Variants in TBCA observed in about 807,000 individuals in gnomAD.
TBCA encodes the protein tubulin folding cofactor A.
In TBCA, 6 loss-of-function variants were observed where a neutral mutation model predicts 15.8. The ratio of observed to expected loss-of-function variants is 0.38; its 90% confidence interval spans 0.21 to 0.75. TBCA has a LOEUF of 0.75. Ranked by LOEUF, TBCA falls within the 30% of genes least tolerant of loss-of-function variation. The probability of loss-of-function intolerance (pLI) is 0.46; values close to 1 mark genes in which losing one functional copy is unlikely to be tolerated. For missense variants in TBCA, 90 were observed against 131.2 expected (o/e 0.69, Z 1.53); for synonymous variants, 32 against 42.3 (o/e 0.76, Z 0.94).
intron 1 of TBCA, among the ~76,000 whole-genome samples, chr5:77,772,094 AAAG>A (rs970455761): frequency 2.0e-4 from 31 of 152,070 alleles, no homozygotes; most frequent in African/African-American, 7.2e-4. Context: ...AAAAAAAAAA[AAAG>A]AAAAGAATAG....
At chr5:77,722,503 T>G (rs1375089909) in intron 1 of TBCA, among the ~76,000 whole-genome samples, 1 of 152,016 alleles carries the variant, frequency 6.6e-6, no homozygotes, top group Non-Finnish European at 1.5e-5. Flanking sequence ...AAATAAACTT[T>G]TGGAAATTCC....
chr5:77,714,572 A>ATTTT (rs761180601), intron 1 of TBCA, among the ~76,000 whole-genome samples: 16,493 of 126,594 alleles, frequency 0.13, 1,101 homozygotes, highest in South Asian at 0.18. Context: ...TATTATTATT[A>ATTTT]TTATTTTTTT....
chr5:77,766,929 C>T (rs1747791942), intron 1 of TBCA, among the ~76,000 whole-genome samples: 1 of 152,174 alleles, frequency 6.6e-6, no homozygotes, highest in African/African-American at 2.4e-5. Flanking sequence ...TGTTGAAAAA[C>T]AATTCTGTGA....
rs553782383 is a variant in TBCA, at chr5:77,763,038, T to C, written c.53+13167A>G. 2.6e-5 allele frequency among the ~76,000 whole-genome samples: 4 copies of C among 152,222 alleles called. No homozygotes were observed. In the South Asian group the frequency reaches 8.3e-4, roughly 32 times the overall value. Reference sequence around the variant, plus strand: ...GCAGGCGGATCACGAGGTCAGGAGATAGAGACCATCCTGGATAACATGGTG... The same window carrying C: ...GCAGGCGGATCACGAGGTCAGGAGACAGAGACCATCCTGGATAACATGGTG... On this transcript the variant is annotated intron_variant, in intron 1 of 3. Coordinates refer to ENST00000380377, the MANE Select transcript of TBCA (RefSeq NM_004607.3).
At chr5:77,736,924 G>A (rs549554027) in intron 1 of TBCA, among the ~76,000 whole-genome samples, 2 of 152,292 alleles carry the variant, frequency 1.3e-5, no homozygotes, top group South Asian at 4.1e-4. Flanking sequence ...ATGGGTATTA[G>A]AGATTTAACA....
chr5:77,701,105 A>C (rs1746001905), intron 2 of TBCA, among the ~76,000 whole-genome samples: 1 of 152,228 alleles, frequency 6.6e-6, no homozygotes, highest in Non-Finnish European at 1.5e-5. Flanking sequence ...CAAAAGGAAC[A>C]GTCAGCAGAG....
chr5:77,769,373 TATCCCAGATAC>T (rs1747853433), intron 1 of TBCA, among the ~76,000 whole-genome samples: 1 of 152,236 alleles, frequency 6.6e-6, no homozygotes, highest in Non-Finnish European at 1.5e-5. Context: ...GTTCTTAACC[TATCCCAGATAC>T]AGTCCACCAT....
chr5:77,693,785 G>A (rs1300733323), intron 2 of TBCA, among the ~76,000 whole-genome samples: 1 of 98,210 alleles, frequency 1.0e-5, no homozygotes, highest in Admixed American at 1.5e-4. Context: ...GGCAACAAGA[G>A]TGAAACTCCA....
chr5:77,756,533 A>AGATT (rs1407498788), intron 1 of TBCA, among the ~76,000 whole-genome samples: 2 of 151,944 alleles, frequency 1.3e-5, no homozygotes, highest in Non-Finnish European at 2.9e-5. Context: ...AAGCCAATGG[A>AGATT]GATTAATTTT....
intron 1 of TBCA, among the ~76,000 whole-genome samples, chr5:77,741,448 G>A (rs1747029256): frequency 6.6e-6 from 1 of 152,156 alleles, no homozygotes; most frequent in Non-Finnish European, 1.5e-5. Flanking sequence ...GATAGTAGGG[G>A]TGCGATGCAA....
chr5:77,773,458 G>A (rs1018795072), intron 1 of TBCA, among the ~76,000 whole-genome samples: 1 of 152,118 alleles, frequency 6.6e-6, no homozygotes, highest in Non-Finnish European at 1.5e-5. Context: ...GTATTAAACA[G>A]CATAGCAGGC....
chr5:77,743,853 G>A (rs1027136086), intron 1 of TBCA, among the ~76,000 whole-genome samples: 6 of 152,032 alleles, frequency 3.9e-5, no homozygotes, highest in Non-Finnish European at 7.3e-5. Flanking sequence ...AGGTACCATC[G>A]TAGGCACTAG....
chr5:77,719,136 C>G (rs1561269761), intron 1 of TBCA, among the ~76,000 whole-genome samples: 1 of 152,114 alleles, frequency 6.6e-6, no homozygotes, highest in Non-Finnish European at 1.5e-5. Context: ...GCGTGGTAAG[C>G]AGGGCAACTA....
chr5:77,715,610 G>A (rs1675286368), intron 1 of TBCA, among the ~76,000 whole-genome samples: 1 of 152,122 alleles, frequency 6.6e-6, no homozygotes, highest in African/African-American at 2.4e-5. Flanking sequence ...AAATGGTTAT[G>A]GTTGTAATAT....
At chr5:77,758,648 C>T (rs534660412) in intron 1 of TBCA, among the ~76,000 whole-genome samples, 1 of 152,326 alleles carries the variant, frequency 6.6e-6, no homozygotes, top group Admixed American at 6.5e-5. Flanking sequence ...GTCCCTTTCC[C>T]CATGACTCTT....
intron 1 of TBCA, among the ~76,000 whole-genome samples, chr5:77,730,863 T>G (rs1170412977): frequency 6.6e-6 from 1 of 152,172 alleles, no homozygotes; most frequent in Non-Finnish European, 1.5e-5. Flanking sequence ...GTTATAGAAG[T>G]TTTTCTATGT....
At chr5:77,715,868 A>G (rs1467108129) in intron 1 of TBCA, among the ~76,000 whole-genome samples, 1 of 152,182 alleles carries the variant, frequency 6.6e-6, no homozygotes, top group Non-Finnish European at 1.5e-5. Context: ...CCCTGTTTGG[A>G]GCCTCTAGTA....
chr5:77,730,211 A>AT (rs1251274456), intron 1 of TBCA, among the ~76,000 whole-genome samples: 4 of 152,196 alleles, frequency 2.6e-5, no homozygotes, highest in Non-Finnish European at 5.9e-5. Flanking sequence ...AGATATAGTT[A>AT]TGATGGGGTC....
chr5:77,706,824 AAAAAGAAAGAAAG>A (rs1746161540), intron 2 of TBCA, among the ~76,000 whole-genome samples: 1 of 151,228 alleles, frequency 6.6e-6, no homozygotes, highest in African/African-American at 2.4e-5. Flanking sequence ...AAAAAAAAAA[AAAAAGAAAGAAAG>A]AAAAGAAAAA....
Sources: allele counts gnomAD v4.1 joint callset (sites outside exome capture counted in the v4.1 genomes callset), GRCh38; gene constraint gnomAD v4.1.1; transcripts MANE v1.5; gene names NCBI Gene and HGNC (gene_info 2026-07-23, HGNC 2026-07-21).